NDRG3: variants seen among roughly 807,000 people sequenced by gnomAD.
The protein encoded by NDRG3 is protein NDRG3.
Under a neutral mutation model 57.2 loss-of-function variants are expected in NDRG3, and 23 were observed. The observed-to-expected ratio is 0.40, with a 90% confidence interval of 0.29 to 0.57. The LOEUF (loss-of-function observed/expected upper bound fraction) is 0.57. Among genes scored for constraint, NDRG3 ranks in the 20% least tolerant of loss-of-function variants. The probability of loss-of-function intolerance (pLI) is 0.42; values close to 1 mark genes in which losing one functional copy is unlikely to be tolerated. For synonymous variants in NDRG3, 132 were observed against 162.6 expected, an observed-to-expected ratio of 0.81 and a Z score of 1.43; for missense variants, 384 against 457.3, an observed-to-expected ratio of 0.84 and a Z score of 1.46.
At chr20:36,718,152 C>A (rs1015198886) in intron 2 of NDRG3, among the ~76,000 whole-genome samples, 1 of 152,154 alleles carries the variant, frequency 6.6e-6, no homozygotes, top group Admixed American at 6.6e-5. Flanking sequence ...TATCATTATA[C>A]CTTTTACTAT....
intron 15 of NDRG3, among the ~76,000 whole-genome samples, chr20:36,655,061 C>G (rs1387307638): frequency 2.6e-5 from 4 of 152,234 alleles, no homozygotes; most frequent in African/African-American, 9.6e-5. Context: ...CTGCTATAAA[C>G]AGTCATCTTG....
At position 36,664,974 on chromosome 20, in the gene NDRG3, C is replaced by T. The variant is rs975583562; in HGVS notation, c.810+72G>A. 4 of 1,447,654 alleles carry T rather than the reference C, an allele frequency of 2.8e-6. No homozygotes were observed. The African/African-American group carries it at 5.6e-5, about 20-fold the overall frequency. The allele number at this position is 1,447,654 out of a possible 1,614,324, so 89.7% of individuals were successfully genotyped here. On this transcript the variant is annotated intron_variant, in intron 12 of 15. Transcript: ENST00000349004. Reference sequence around the variant, plus strand: ...AAAGTGTTGGGAATACAGGCGTGAGCCACTGCACCTGGCCTACACATTTTA... The same window carrying T: ...AAAGTGTTGGGAATACAGGCGTGAGTCACTGCACCTGGCCTACACATTTTA...
chr20:36,731,533 C>T (rs1385028912), intron 1 of NDRG3, among the ~76,000 whole-genome samples: 9 of 152,044 alleles, frequency 5.9e-5, no homozygotes, highest in South Asian at 4.2e-4. Context: ...TTAGGCCAGG[C>T]GCGATGGGTC....
chr20:36,675,969 G>A (rs1568633106), intron 8 of NDRG3, among the ~76,000 whole-genome samples: 1 of 152,102 alleles, frequency 6.6e-6, no homozygotes, highest in Non-Finnish European at 1.5e-5. Context: ...GGCTGGGCGC[G>A]GTGGCTCACG....
At chr20:36,661,111 G>C (rs1450450364) in intron 12 of NDRG3, among the ~76,000 whole-genome samples, 1 of 152,004 alleles carries the variant, frequency 6.6e-6, no homozygotes, top group Non-Finnish European at 1.5e-5. Context: ...CTAAGCCCTG[G>C]GCACCTCCCT....
At chr20:36,656,436 T>A in intron 14 of NDRG3, 25 bp from the exon 15 acceptor site, 1 of 1,614,140 alleles carries the variant, frequency 6.2e-7, no homozygotes, top group Non-Finnish European at 8.5e-7. Context: ...CAAGAGGGCA[T>A]TAATTTTTGC....
At chr20:36,662,955 A>T (rs1268591750) in intron 12 of NDRG3, among the ~76,000 whole-genome samples, 2 of 152,252 alleles carry the variant, frequency 1.3e-5, no homozygotes, top group South Asian at 2.1e-4. Flanking sequence ...GATGAACAGA[A>T]ATACTAAGCA....
chr20:36,705,163 T>C (rs1242711615), intron 3 of NDRG3, among the ~76,000 whole-genome samples: 1 of 149,992 alleles, frequency 6.7e-6, no homozygotes, highest in Admixed American at 6.7e-5. Flanking sequence ...CTACTAAAAA[T>C]TAAAAAAAAT....
intron 12 of NDRG3, among the ~76,000 whole-genome samples, chr20:36,661,034 G>T (rs1446344799): frequency 6.6e-6 from 1 of 152,140 alleles, no homozygotes; most frequent in Admixed American, 6.6e-5. Flanking sequence ...TTGAGAAATG[G>T]ACTGGACCGT....
chr20:36,656,587 C>T, intron 13 of NDRG3, 55 bp from the exon 14 acceptor site: 1 of 1,590,664 alleles, frequency 6.3e-7, no homozygotes, highest in African/African-American at 1.3e-5. Context: ...GAGAATTGCT[C>T]TGAACACCCC....
At chr20:36,716,180 C>T (rs1320751754) in intron 2 of NDRG3, among the ~76,000 whole-genome samples, 1 of 152,062 alleles carries the variant, frequency 6.6e-6, no homozygotes, top group Non-Finnish European at 1.5e-5. Context: ...CACCCTCCTC[C>T]CTCCTCTGCT....
rs1984596977 is a variant in NDRG3, at chr20:36,721,598, CT to C, written c.57+80del. ...GTCAAGCTAAATATGTTTTAAGTTA[CT>C]ATTTAGATGATACAGAAAATGAAAT... On this transcript the variant is annotated intron_variant, in intron 2 of 15. Transcript: ENST00000349004. The C allele has an allele frequency of 5.5e-5, 43 of 777,576 alleles. No individual in the cohort carries two copies. The East Asian group carries it at 1.1e-3, about 19-fold the overall frequency. The allele number at this position is 777,576 out of a possible 1,614,324, so 48.2% of individuals were successfully genotyped here.
rs573633906 is a variant in NDRG3 at position 36,697,969 on chromosome 20, T to C, written c.93+9003A>G. 1.0e-3 allele frequency among the ~76,000 whole-genome samples: 148 copies of C among 145,346 alleles called. 1 individual carries two copies. Among genetic ancestry groups the C allele is most frequent in the Admixed American group, 1.8e-3 (27 of 14,712 alleles). On this transcript the variant is annotated intron_variant, in intron 3 of 15. Coordinates refer to ENST00000349004, the MANE Select transcript of NDRG3 (RefSeq NM_032013.4). ...GCGAGTTTTTTTCTTTTTTCTTTTT[T>C]TTTTTTTTTTTTTTGAGACAGAGTC...
At chr20:36,720,310 C>T in intron 2 of NDRG3, among the ~76,000 whole-genome samples, 1 of 151,318 alleles carries the variant, frequency 6.6e-6, no homozygotes, top group African/African-American at 2.4e-5. Flanking sequence ...GTAGCTGGGA[C>T]TACAGGCCTG....
In NDRG3 at chr20:36,684,331, T is replaced by C. The variant is rs918760166; in HGVS notation, c.383+82A>G. ...ACAGTGATAATATTTTTCCTAACCATCATATCCTCTGAAACAGACACTAAA... is the reference window on the plus strand; with the variant it reads ...ACAGTGATAATATTTTTCCTAACCACCATATCCTCTGAAACAGACACTAAA... On this transcript the variant is annotated intron_variant, in intron 6 of 15. Transcript: ENST00000349004. 5.1e-6 allele frequency: 6 copies of C among 1,175,932 alleles called. No individual in the cohort carries two copies. The East Asian group carries it at 1.2e-4, about 23-fold the overall frequency. The allele number at this position is 1,175,932 out of a possible 1,614,324, so 72.8% of individuals were successfully genotyped here.
intron 8 of NDRG3, among the ~76,000 whole-genome samples, chr20:36,676,057 G>A (rs1980672490): frequency 6.6e-6 from 1 of 152,054 alleles, no homozygotes; most frequent in South Asian, 2.1e-4. Context: ...TGGCGAACAC[G>A]GTGAAACCCC....
At chr20:36,709,317 T>C (rs1395391495) in intron 2 of NDRG3, among the ~76,000 whole-genome samples, 2 of 152,210 alleles carry the variant, frequency 1.3e-5, no homozygotes, top group Admixed American at 6.5e-5. Flanking sequence ...AGCACTGATC[T>C]GGAAGCCAAA....
intron 5 of NDRG3, among the ~76,000 whole-genome samples, chr20:36,685,911 G>C (rs1981746849): frequency 6.6e-6 from 1 of 152,218 alleles, no homozygotes; most frequent in Non-Finnish European, 1.5e-5. Flanking sequence ...TAGGGAGGCT[G>C]AGATGGGAGG....
intron 8 of NDRG3, among the ~76,000 whole-genome samples, chr20:36,680,444 C>T (rs1354727728): frequency 6.7e-6 from 1 of 149,854 alleles, no homozygotes. Context: ...AAGATCATGC[C>T]ACTGCACTCC....
Sources: allele counts gnomAD v4.1 joint callset (sites outside exome capture counted in the v4.1 genomes callset), GRCh38; gene constraint gnomAD v4.1.1; transcripts MANE v1.5; gene names NCBI Gene and HGNC (gene_info 2026-07-23, HGNC 2026-07-21).